COMMD5: variants seen among roughly 807,000 people sequenced by gnomAD.
COMMD5 encodes the protein COMM domain-containing protein 5.
Under a neutral mutation model 6.9 loss-of-function variants are expected in COMMD5, and 10 were observed. The ratio of observed to expected loss-of-function variants is 1.44; its 90% CI spans 0.89 to 2.45. The LOEUF is 2.45. Ranked by LOEUF, COMMD5 falls within the 30% of genes most tolerant of loss-of-function variation. The pLI, the probability that COMMD5 is intolerant of heterozygous loss-of-function variation, is 0.00. For missense variants in COMMD5, 234 were observed against 287.8 expected, an observed-to-expected ratio of 0.81 and a Z score of 1.35; for synonymous variants, 127 against 125.3, an observed-to-expected ratio of 1.01 and a Z score of -0.09.
chr8:144,842,118 T>C (rs374571392), intron 1 of COMMD5: 87 of 1,613,786 alleles, frequency 5.4e-5, no homozygotes, highest in Middle Eastern at 1.6e-4. Flanking sequence ...ATGGTTGTCG[T>C]GAGTGTGGGA....
chr8:144,844,640 C>T (rs1830392139), intron 1 of COMMD5, among the ~76,000 whole-genome samples: 1 of 141,488 alleles, frequency 7.1e-6, no homozygotes, highest in Non-Finnish European at 1.5e-5. Context: ...ACCTGGGAGG[C>T]AGAGCTTGCA....
chr8:144,843,403 C>CA (rs1830244365), intron 1 of COMMD5: 1 of 416,812 alleles, frequency 2.4e-6, no homozygotes. Context: ...TCCTGGGTAA[C>CA]AGGTGAAACC....
chr8:144,845,976 C>G (rs1260040309), downstream of COMMD5: 18 of 1,536,332 alleles, frequency 1.2e-5, no homozygotes, highest in South Asian at 1.1e-4. Context: ...TTCTCTACTT[C>G]AGGCTTTCTG....
rs1198831603 is a variant in COMMD5, at chr8:144,853,039, C to T, written c.-258G>A. ...TGATGCAGCCAAAAGCGGGCCTGGTCCCCGGAAGCGCCCTGAGAGCCACTT... is the reference window on the plus strand; with the variant it reads ...TGATGCAGCCAAAAGCGGGCCTGGTTCCCGGAAGCGCCCTGAGAGCCACTT... On this transcript the variant is annotated 5_prime_UTR_variant, in exon 1 of 2. Coordinates refer to ENST00000305103, the MANE Select transcript of COMMD5 (RefSeq NM_014066.4). 6.6e-6 allele frequency: 1 copy of T among 152,310 alleles called. No individual in the cohort carries two copies. The highest frequency in any genetic ancestry group is 1.5e-5 in the Non-Finnish European group (1 of 68,080). The allele number at this position is 152,310 out of a possible 1,614,324, so 9.4% of individuals were successfully genotyped here. A position where few individuals can be genotyped will look rare whatever the true frequency, so the allele number is the denominator to read the frequency against.
exon 2 of COMMD5, chr8:144,841,311 T>C (rs768361206): frequency 1.3e-6 from 2 of 1,542,276 alleles, no homozygotes; most frequent in South Asian, 2.5e-5. Context: ...ATCATTTCTC[T>C]GAGCACAGGG....
chr8:144,843,304 T>C lies in COMMD5; in HGVS notation c.*117-1561A>G, dbSNP rs1830218794. The stretch of plus-strand genomic sequence containing the variant: ...AGAATTGCTCTCAAGAATATCCAAC[T>C]TCAGGCCGAGTGTGGTGGCTTATGC... On this transcript the variant is annotated intron_variant and NMD_transcript_variant, in intron 1 of 1. Transcript: ENST00000530332. 4.3e-6 allele frequency: 5 copies of C among 1,156,840 alleles called. No homozygotes were observed. The South Asian group carries it at 5.2e-5, about 12-fold the overall frequency. 71.7% of individuals were successfully genotyped at this position (1,156,840 alleles called of 1,614,324 possible).
downstream of COMMD5, among the ~76,000 whole-genome samples, chr8:144,848,109 G>A (rs764470563): frequency 3.3e-5 from 5 of 152,148 alleles, no homozygotes; most frequent in Non-Finnish European, 7.3e-5. Context: ...ACTTTGGGAG[G>A]CCGAGGTGGG....
intron 1 of COMMD5, among the ~76,000 whole-genome samples, chr8:144,851,694 A>G (rs1830754370): frequency 6.6e-6 from 1 of 152,066 alleles, no homozygotes; most frequent in Admixed American, 6.6e-5. Context: ...AAATTAATAG[A>G]TGAAAGAATG....
chr8:144,845,423 G>A (rs1830458451), downstream of COMMD5, among the ~76,000 whole-genome samples: 1 of 152,064 alleles, frequency 6.6e-6, no homozygotes, highest in East Asian at 1.9e-4. Context: ...TTGAGAAGTG[G>A]CCCAGGTGGA....
At chr8:144,839,434 G>A (rs1014147231), downstream of COMMD5, among the ~76,000 whole-genome samples, 3 of 152,252 alleles carry the variant, frequency 2.0e-5, no homozygotes, top group Non-Finnish European at 2.9e-5. Context: ...GCTATAAGGT[G>A]GCCCAGTTAA....
At chr8:144,844,317 C>T (rs965578592) in intron 1 of COMMD5, among the ~76,000 whole-genome samples, 1 of 152,228 alleles carries the variant, frequency 6.6e-6, no homozygotes, top group African/African-American at 2.4e-5. Flanking sequence ...CGTGTGCGCA[C>T]AGGCCCTGAG....
downstream of COMMD5, chr8:144,838,929 G>A (rs1296005187): frequency 1.0e-4 from 14 of 137,892 alleles, no homozygotes; most frequent in South Asian, 2.4e-4. Flanking sequence ...GCGACAGAGC[G>A]AGATGACGTC....
In COMMD5 at chr8:144,850,903, C is replaced by T. The variant is rs754071595; in HGVS notation, c.436G>A (p.Gly146Arg). The T allele has an allele frequency of 6.2e-7, 1 of 1,609,598 alleles. No homozygotes were observed. The change falls in exon 2 of 2, where the codon GGG becomes AGG. Residue 146 changes from glycine to arginine, a missense_variant. Gly to Arg is a moderately radical substitution (Grantham distance 125). Coordinates refer to ENST00000305103, the MANE Select transcript of COMMD5 (RefSeq NM_014066.4). This position sits in a 1 kb window ranked among gnomAD's most constrained non-coding sequence, Gnocchi z 4.0. The part of the protein sequence containing the change: ...PLLDSVAQQQ[G>R]AWLPHVADFR... ...TCAGCAACATGCGGCAGCCAGGCCCCCTGCTGCTGGGCCACAGAATCAAGG... is the reference window on the plus strand; with the variant it reads ...TCAGCAACATGCGGCAGCCAGGCCCTCTGCTGCTGGGCCACAGAATCAAGG...
At chr8:144,841,915 A>G in intron 1 of COMMD5, 1 of 1,614,160 alleles carries the variant, frequency 6.2e-7, no homozygotes, top group South Asian at 1.1e-5. Flanking sequence ...TCAGCATCAG[A>G]GAATCCACAC....
chr8:144,851,444 G>A, intron 1 of COMMD5, 49 bp from the exon 2 acceptor site: 1 of 1,271,994 alleles, frequency 7.9e-7, no homozygotes. Context: ...CATCCTTTGG[G>A]CCAGCGAGTG....
chr8:144,842,302 A>G (rs374019253), intron 1 of COMMD5: 26 of 1,613,916 alleles, frequency 1.6e-5, no homozygotes, highest in Non-Finnish European at 2.1e-5. Flanking sequence ...AGACAGTCCA[A>G]GCCTTGTTGC....
downstream of COMMD5, among the ~76,000 whole-genome samples, chr8:144,839,507 C>T (rs1829574038): frequency 6.6e-6 from 1 of 152,252 alleles, no homozygotes; most frequent in South Asian, 2.1e-4. Context: ...GGTGCCATGG[C>T]AGAAAAGCCA....
chr8:144,842,095 GGA>G, intron 1 of COMMD5: 1 of 1,614,234 alleles, frequency 6.2e-7, no homozygotes, highest in Non-Finnish European at 8.5e-7. Flanking sequence ...AATCCACACA[GGA>G]GAGAGGCCCT....
rs1012900641 is a variant in COMMD5, at chr8:144,853,027, A to T, written c.-246T>A. ...GCAATCCCCGGCTGATGCAGCCAAA[A>T]GCGGGCCTGGTCCCCGGAAGCGCCC... On this transcript the variant is annotated 5_prime_UTR_variant, in exon 1 of 2. Transcript: ENST00000305103. 1.3e-5 allele frequency: 2 copies of T among 152,390 alleles called. No homozygotes were observed. The highest frequency in any genetic ancestry group is 4.8e-5 in the African/African-American group (2 of 41,452). The allele number at this position is 152,390 out of a possible 1,614,324, so 9.4% of individuals were successfully genotyped here. A position where few individuals can be genotyped will look rare whatever the true frequency, so the allele number is the denominator to read the frequency against.
Sources: allele counts gnomAD v4.1 joint callset (sites outside exome capture counted in the v4.1 genomes callset), GRCh38; gene constraint gnomAD v4.1.1; non-coding constraint Gnocchi (gnomAD v3.1); transcripts MANE v1.5; gene names NCBI Gene and HGNC (gene_info 2026-07-23, HGNC 2026-07-21).